Variants in SCLY observed in about 807,000 individuals in gnomAD.
The protein encoded by SCLY is putative selenocysteine lyase.
SCLY carries 38 observed loss-of-function variants against 50.1 expected under a neutral mutation model. The observed-to-expected ratio is 0.76, with a 90% CI of 0.59 to 0.99. The LOEUF (loss-of-function observed/expected upper bound fraction) is 0.99, where lower values mean the gene tolerates loss of function less well. Among genes scored for constraint, SCLY ranks in the 50% least tolerant of loss-of-function variants. SCLY has a pLI of 0.00. For synonymous variants in SCLY, 243 were observed against 249.4 expected, an observed-to-expected ratio of 0.97 and a Z score of 0.24; for missense variants, 600 against 620.0, an observed-to-expected ratio of 0.97 and a Z score of 0.34.
At chr2:238,085,034 A>G (rs1256331914) in intron 7 of SCLY, among the ~76,000 whole-genome samples, 2 of 152,190 alleles carry the variant, frequency 1.3e-5, no homozygotes, top group Non-Finnish European at 2.9e-5. Context: ...CTCATAAAGT[A>G]AGGCAAAAAT....
Position 238,098,607 on chromosome 2 carries a change from G to GACCGCCCACATAGA in SCLY, c.*263_*264insAGAACCGCCCACAT, listed in dbSNP as rs1559254547. 1.2e-4 allele frequency: 44 copies of GACCGCCCACATAGA among 372,362 alleles called. 1 individual carries two copies. The highest frequency in any genetic ancestry group is 6.9e-4 in the Middle Eastern group (1 of 1,450). 23.1% of individuals were successfully genotyped at this position (372,362 alleles called of 1,614,324 possible). ...CGCCCACATAGGACCGCCCACATAG[G>GACCGCCCACATAGA]ACCGCCCACATGGGACCGCCCACAT... On this transcript the variant is annotated 3_prime_UTR_variant, in exon 12 of 12. Coordinates refer to ENST00000254663, the MANE Select transcript of SCLY (RefSeq NM_016510.7).
chr2:238,062,624 C>G (rs2065028845), intron 1 of SCLY, among the ~76,000 whole-genome samples: 1 of 152,222 alleles, frequency 6.6e-6, no homozygotes, highest in Non-Finnish European at 1.5e-5. Context: ...GTTGGCCAGG[C>G]TGACCTTGAA....
rs534401600 is a variant in SCLY, at chr2:238,073,807, G to A, written c.484+4330G>A. On this transcript the variant is annotated intron_variant, in intron 4 of 11. Transcript: ENST00000254663. Reference sequence around the variant, plus strand: ...GCCTACTCAATGTGAAGATGATGAAGATGAAGACCTTTATGATGATCTGCT... The same window carrying A: ...GCCTACTCAATGTGAAGATGATGAAAATGAAGACCTTTATGATGATCTGCT... The A allele has an allele frequency of 3.9e-4, 179 of 463,096 alleles. 3 individuals carry two copies. The highest frequency in any genetic ancestry group is 2.1e-3 in the Middle Eastern group (3 of 1,446). 28.7% of individuals were successfully genotyped at this position (463,096 alleles called of 1,614,324 possible). A position where few individuals can be genotyped will look rare whatever the true frequency, so the allele number is the denominator to read the frequency against.
At chr2:238,088,887 C>G (rs1008965494) in intron 7 of SCLY, among the ~76,000 whole-genome samples, 1 of 152,188 alleles carries the variant, frequency 6.6e-6, no homozygotes, top group Non-Finnish European at 1.5e-5. Flanking sequence ...TGTCACCACA[C>G]TTATCCAGCA....
rs562106900 is a variant in SCLY at position 238,087,871 on chromosome 2, G to T, written c.885-3347G>T. Among the ~76,000 whole-genome samples, 15 of 152,022 alleles carry T rather than the reference G, an allele frequency of 9.9e-5. No individual in the cohort carries two copies. In the East Asian group the frequency reaches 2.7e-3, roughly 28 times the overall value. Reference sequence around the variant, plus strand: ...TTGGGAGGCTGAGGCAGGGGATCAGGATCACTTGAGCCCAGGAGTTCAAGA... The same window carrying T: ...TTGGGAGGCTGAGGCAGGGGATCAGTATCACTTGAGCCCAGGAGTTCAAGA... On this transcript the variant is annotated intron_variant, in intron 7 of 11. Transcript: ENST00000254663.
Position 238,098,635 on chromosome 2 carries a change from G to GAACGCCCACATGGA in SCLY, c.*281_*282insACGCCCACATGGAA, listed in dbSNP as rs1559254799. The GAACGCCCACATGGA allele has an allele frequency of 3.6e-6, 1 of 274,120 alleles. No homozygotes were observed. Among genetic ancestry groups the GAACGCCCACATGGA allele is most frequent in the Non-Finnish European group, 6.3e-6 (1 of 159,056 alleles). The allele number at this position is 274,120 out of a possible 1,614,324, so 17.0% of individuals were successfully genotyped here. A position where few individuals can be genotyped will look rare whatever the true frequency, so the allele number is the denominator to read the frequency against. ...CGCCCACATGGGACCGCCCACATGG[G>GAACGCCCACATGGA]ACCGCCCACATGGGACCGCCCACAT... On this transcript the variant is annotated 3_prime_UTR_variant, in exon 12 of 12. Transcript: ENST00000254663.
chr2:238,082,395 C>T (rs944622369), intron 6 of SCLY, among the ~76,000 whole-genome samples, 186 bp downstream of exon 6: 2 of 152,078 alleles, frequency 1.3e-5, no homozygotes, highest in African/African-American at 2.4e-5. Context: ...CATGCCAGGA[C>T]GAATGCCATG....
At chr2:238,084,090 G>T (rs2065264345) in intron 7 of SCLY, among the ~76,000 whole-genome samples, 1 of 152,236 alleles carries the variant, frequency 6.6e-6, no homozygotes, top group Admixed American at 6.5e-5. Context: ...CACCTGCAAA[G>T]ATGGAGTGGG....
At chr2:238,096,933 T>C in intron 11 of SCLY, 57 bp downstream of exon 11, 1 of 1,484,562 alleles carries the variant, frequency 6.7e-7, no homozygotes, top group Non-Finnish European at 9.1e-7. Flanking sequence ...GCACTGGGTG[T>C]GGTGGGCAGG....
intron 11 of SCLY, among the ~76,000 whole-genome samples, chr2:238,097,846 G>A (rs961980841): frequency 3.3e-5 from 5 of 152,110 alleles, no homozygotes; most frequent in South Asian, 2.1e-4. Context: ...CAGGTGGGCC[G>A]CATGGGTAAG....
Position 238,098,521 on chromosome 2 carries a change from AC to A in SCLY, c.*170del. ...GTGCACCCCCAGTTTCCTTCCCTGG[AC>A]CCCTGCAGAGCTCACAGGGCCCAGG... On this transcript the variant is annotated 3_prime_UTR_variant, in exon 12 of 12. Coordinates refer to ENST00000254663, the MANE Select transcript of SCLY (RefSeq NM_016510.7). 1 of 794,520 alleles carries A rather than the reference AC, an allele frequency of 1.3e-6. No homozygotes were observed. The highest frequency in any genetic ancestry group is 1.9e-6 in the Non-Finnish European group (1 of 530,534). The allele number at this position is 794,520 out of a possible 1,614,324, so 49.2% of individuals were successfully genotyped here.
At chr2:238,096,712 G>C in intron 10 of SCLY, 89 bp from the exon 11 acceptor site, 1 of 1,398,032 alleles carries the variant, frequency 7.2e-7, no homozygotes. Context: ...AGGGAGGGAA[G>C]CAGCCTGCGC....
At chr2:238,087,061 A>T (rs1156608884) in intron 7 of SCLY, among the ~76,000 whole-genome samples, 1 of 151,682 alleles carries the variant, frequency 6.6e-6, no homozygotes, top group Non-Finnish European at 1.5e-5. Flanking sequence ...GTGGTGGCTC[A>T]CATTTCTAAT....
chr2:238,091,542 AGGTTCACCATTC>A, intron 8 of SCLY: 4 of 361,640 alleles, frequency 1.1e-5, no homozygotes, highest in Non-Finnish European at 2.1e-5. Flanking sequence ...GTCAAGCTGC[AGGTTCACCATTC>A]CCAAAGGCGT....
chr2:238,061,767 C>G (rs2065020888), intron 1 of SCLY, among the ~76,000 whole-genome samples: 1 of 152,106 alleles, frequency 6.6e-6, no homozygotes, highest in Non-Finnish European at 1.5e-5. Context: ...AGACTGCTGG[C>G]CCAGCTGCAG....
intron 1 of SCLY, 176 bp downstream of exon 1, chr2:238,061,319 G>T: frequency 1.4e-6 from 1 of 713,228 alleles, no homozygotes; most frequent in Non-Finnish European, 2.6e-6. Flanking sequence ...GAGCGGGTGC[G>T]AGCTGTGGCC....
intron 8 of SCLY, chr2:238,091,532 G>C: frequency 4.2e-4 from 192 of 453,288 alleles, no homozygotes; most frequent in South Asian, 9.8e-4. Context: ...GAGGTGAAGT[G>C]TCAAGCTGCA....
chr2:238,098,633 G>GGGAACGCCCACATAGAACCGTCCACATA lies in SCLY; in HGVS notation c.*281_*282insACGCCCACATAGAACCGTCCACATAGGA, dbSNP rs1559254772. The GGGAACGCCCACATAGAACCGTCCACATA allele has an allele frequency of 8.7e-5, 20 of 230,750 alleles. No homozygotes were observed. Among genetic ancestry groups the GGGAACGCCCACATAGAACCGTCCACATA allele is most frequent in the African/African-American group, 3.6e-4 (9 of 25,234 alleles). The allele number at this position is 230,750 out of a possible 1,614,324, so 14.3% of individuals were successfully genotyped here. A position where few individuals can be genotyped will look rare whatever the true frequency, so the allele number is the denominator to read the frequency against. The stretch of plus-strand genomic sequence containing the variant: ...ACCGCCCACATGGGACCGCCCACAT[G>GGGAACGCCCACATAGAACCGTCCACATA]GGACCGCCCACATGGGACCGCCCAC... On this transcript the variant is annotated 3_prime_UTR_variant, in exon 12 of 12. Coordinates refer to ENST00000254663, the MANE Select transcript of SCLY (RefSeq NM_016510.7).
chr2:238,089,572 G>A (rs938258538), intron 7 of SCLY, among the ~76,000 whole-genome samples: 1 of 151,866 alleles, frequency 6.6e-6, no homozygotes, highest in Non-Finnish European at 1.5e-5. Flanking sequence ...GCTGCATGCG[G>A]CCCAGGACAG....
Sources: allele counts gnomAD v4.1 joint callset (sites outside exome capture counted in the v4.1 genomes callset), GRCh38; gene constraint gnomAD v4.1.1; transcripts MANE v1.5; gene names NCBI Gene and HGNC (gene_info 2026-07-23, HGNC 2026-07-21).